The following LSAMP variants were observed in gnomAD, a reference collection of about 807,000 sequenced individuals.
LSAMP encodes the protein limbic system associated membrane protein.
In LSAMP, 7 loss-of-function variants were observed where a neutral mutation model predicts 38.6. The ratio of observed to expected loss-of-function variants is 0.18; its 90% CI spans 0.10 to 0.34. The LOEUF is 0.34. LSAMP is among the 10% of genes least tolerant of loss of function. The probability of loss-of-function intolerance (pLI) is 1.00; values close to 1 mark genes in which losing one functional copy is unlikely to be tolerated. For synonymous variants in LSAMP, 154 were observed against 166.8 expected (o/e 0.92, Z 0.59); for missense variants, 313 against 420.0 (o/e 0.75, Z 2.23).
At chr3:116,185,756 T>C (rs1327765528) in intron 1 of LSAMP, among the ~76,000 whole-genome samples, 1 of 152,066 alleles carries the variant, frequency 6.6e-6, no homozygotes, top group East Asian at 1.9e-4. Context: ...TTCAGGCTTT[T>C]TAAATTCACT....
chr3:116,282,549 T>C (rs550517537), intron 1 of LSAMP, among the ~76,000 whole-genome samples: 1 of 152,276 alleles, frequency 6.6e-6, no homozygotes, highest in South Asian at 2.1e-4. Flanking sequence ...AAACACATCT[T>C]CCATGTCCCT....
intron 2 of LSAMP, among the ~76,000 whole-genome samples, chr3:116,047,215 G>A (rs934505801): frequency 6.6e-6 from 1 of 152,072 alleles, no homozygotes; most frequent in African/African-American, 2.4e-5. Context: ...TTCAGAAGCA[G>A]TACAATGTCA....
intron 1 of LSAMP, among the ~76,000 whole-genome samples, chr3:116,421,402 T>A (rs1201221438): frequency 5.3e-5 from 8 of 151,996 alleles, no homozygotes; most frequent in Admixed American, 3.9e-4. Flanking sequence ...AAACCCTGTC[T>A]CTACTGAAAA....
At chr3:116,041,756 T>C (rs1290593967) in intron 2 of LSAMP, among the ~76,000 whole-genome samples, 1 of 135,398 alleles carries the variant, frequency 7.4e-6, no homozygotes, top group Non-Finnish European at 1.5e-5. Flanking sequence ...AGCAAAGTCA[T>C]ACATATGTTT....
chr3:115,993,916 A>G (rs1201718402), intron 3 of LSAMP, among the ~76,000 whole-genome samples: 1 of 152,058 alleles, frequency 6.6e-6, no homozygotes, highest in African/African-American at 2.4e-5. Context: ...ACATCAGTAC[A>G]CTCTTAGAAA....
intron 1 of LSAMP, among the ~76,000 whole-genome samples, chr3:116,145,306 C>A (rs1002064348): frequency 5.3e-5 from 8 of 151,524 alleles, no homozygotes; most frequent in African/African-American, 1.9e-4. Flanking sequence ...AGAACCAGAA[C>A]TAATAGCTTA....
At chr3:115,979,339 G>A (rs1939289361) in intron 3 of LSAMP, among the ~76,000 whole-genome samples, 1 of 152,184 alleles carries the variant, frequency 6.6e-6, no homozygotes, top group South Asian at 2.1e-4. Flanking sequence ...CAGTCTAAGG[G>A]CTCTAGTTTA....
At chr3:116,306,291 T>C (rs989602059) in intron 1 of LSAMP, among the ~76,000 whole-genome samples, 1 of 151,996 alleles carries the variant, frequency 6.6e-6, no homozygotes, top group African/African-American at 2.4e-5. Context: ...CAGATTAGAA[T>C]GTTTAGAGTC....
At chr3:115,937,245 T>C (rs1243345251) in intron 3 of LSAMP, among the ~76,000 whole-genome samples, 1 of 152,168 alleles carries the variant, frequency 6.6e-6, no homozygotes, top group Non-Finnish European at 1.5e-5. Flanking sequence ...GCACCTAGTG[T>C]CAGCTTCTAG....
chr3:115,863,879 T>G (rs2107367518), intron 3 of LSAMP, among the ~76,000 whole-genome samples: 1 of 152,264 alleles, frequency 6.6e-6, no homozygotes, highest in South Asian at 2.1e-4. Context: ...TTTCTATTTC[T>G]GGCATAAGGG....
chr3:115,878,927 T>C (rs1006430910), intron 3 of LSAMP, among the ~76,000 whole-genome samples: 1 of 152,104 alleles, frequency 6.6e-6, no homozygotes, highest in African/African-American at 2.4e-5. Context: ...TCAACTTGAG[T>C]AGTGGAGACT....
At chr3:116,444,784 TCAGA>T in intron 1 of LSAMP, 89 bp downstream of exon 1, 1 of 1,446,218 alleles carries the variant, frequency 6.9e-7, no homozygotes, top group Non-Finnish European at 9.4e-7. Flanking sequence ...TTCAAGGAGA[TCAGA>T]CACACACACA....
intron 3 of LSAMP, among the ~76,000 whole-genome samples, chr3:115,876,077 T>C (rs1337130418): frequency 6.6e-6 from 1 of 151,942 alleles, no homozygotes; most frequent in Non-Finnish European, 1.5e-5. Flanking sequence ...GTTGAGGAGA[T>C]TTGTCTCTGT....
intron 3 of LSAMP, among the ~76,000 whole-genome samples, chr3:116,008,010 C>T (rs1476661351): frequency 6.6e-6 from 1 of 152,152 alleles, no homozygotes; most frequent in African/African-American, 2.4e-5. Context: ...TTGGACTATC[C>T]AGAAACTCTG....
intron 3 of LSAMP, among the ~76,000 whole-genome samples, chr3:115,864,811 T>A (rs928910668): frequency 6.6e-6 from 1 of 152,198 alleles, no homozygotes; most frequent in Non-Finnish European, 1.5e-5. Context: ...GAGAGCTAAC[T>A]AATACCTGCC....
chr3:116,045,213 A>G (rs1013208463), intron 2 of LSAMP, among the ~76,000 whole-genome samples: 1 of 152,254 alleles, frequency 6.6e-6, no homozygotes, highest in Non-Finnish European at 1.5e-5. Context: ...GTAGAATAAA[A>G]GAGAAGAAAT....
intron 1 of LSAMP, among the ~76,000 whole-genome samples, chr3:116,288,683 T>C (rs1576484813): frequency 6.6e-6 from 1 of 152,316 alleles, no homozygotes; most frequent in African/African-American, 2.4e-5. Context: ...CTACATTTTT[T>C]CCCAGCCACT....
chr3:115,960,370 C>T (rs556928936), intron 3 of LSAMP, among the ~76,000 whole-genome samples: 3 of 152,238 alleles, frequency 2.0e-5, no homozygotes, highest in Admixed American at 1.3e-4. Context: ...ACCCAGTCTG[C>T]GCTATTTTGT....
chr3:116,120,750 T>G (rs10212348), intron 1 of LSAMP, among the ~76,000 whole-genome samples: 18,675 of 152,094 alleles, frequency 0.12, 3,747 homozygotes, highest in African/African-American at 0.42. Context: ...GAAAAACTCC[T>G]TATAATAAAT....
Sources: gnomAD v4.1 joint callset for allele counts (sites outside exome capture counted in the v4.1 genomes callset) on GRCh38, gnomAD v4.1.1 for gene constraint, MANE v1.5 for transcripts, NCBI Gene and HGNC (gene_info 2026-07-23, HGNC 2026-07-21) for gene names.